The following RBPJ variants were observed in gnomAD, a reference collection of about 807,000 sequenced individuals.
RBPJ encodes the protein recombining binding protein suppressor of hairless.
In RBPJ, 9 loss-of-function variants were observed where a neutral mutation model predicts 67.8. The observed-to-expected ratio is 0.13, with a 90% CI of 0.08 to 0.23. The LOEUF is 0.23. RBPJ is among the 10% of genes least tolerant of loss of function. RBPJ has a pLI of 1.00. For missense variants in RBPJ, 305 were observed against 595.6 expected, an observed-to-expected ratio of 0.51 and a Z score of 5.08; for synonymous variants, 198 against 203.3, an observed-to-expected ratio of 0.97 and a Z score of 0.22.
chr4:26,340,321 C>T (rs1034870166), intron 1 of RBPJ, among the ~76,000 whole-genome samples: 1 of 152,102 alleles, frequency 6.6e-6, no homozygotes, highest in East Asian at 1.9e-4. Context: ...ATAACACCTG[C>T]CAGGTTGGAG....
intron 1 of RBPJ, among the ~76,000 whole-genome samples, chr4:26,253,449 C>T (rs964939104): frequency 6.7e-6 from 1 of 148,268 alleles, no homozygotes; most frequent in East Asian, 1.9e-4. Context: ...GTAGCTGGGA[C>T]TACAGGCGCC....
intron 1 of RBPJ, among the ~76,000 whole-genome samples, chr4:26,313,100 T>G (rs1439684944): frequency 6.6e-6 from 1 of 152,220 alleles, no homozygotes; most frequent in African/African-American, 2.4e-5. Flanking sequence ...TTTTTGTATT[T>G]TTTGTTGAGA....
chr4:26,319,908 T>C, upstream of RBPJ: 1 of 1,581,016 alleles, frequency 6.3e-7, no homozygotes, highest in Non-Finnish European at 8.7e-7. Flanking sequence ...GGGGGCGGGA[T>C]TCGGGCCCTT....
intron 1 of RBPJ, among the ~76,000 whole-genome samples, chr4:26,282,400 C>G (rs1721305338): frequency 6.6e-6 from 1 of 151,992 alleles, no homozygotes; most frequent in African/African-American, 2.4e-5. Flanking sequence ...ACAAAATTAT[C>G]TGATAAAAAA....
chr4:26,181,835 G>A (rs1032245183), intron 1 of RBPJ, among the ~76,000 whole-genome samples: 2 of 152,230 alleles, frequency 1.3e-5, no homozygotes, highest in African/African-American at 4.8e-5. Flanking sequence ...CGGGAATGGA[G>A]CTCACAGGAC....
intron 1 of RBPJ, among the ~76,000 whole-genome samples, chr4:26,182,629 G>A (rs1236967484): frequency 6.6e-6 from 1 of 151,400 alleles, no homozygotes; most frequent in Non-Finnish European, 1.5e-5. Context: ...GAGTAGCTGG[G>A]ACTACAGGCA....
Position 26,424,307 on chromosome 4 carries a change from C to T in RBPJ, c.497-35C>T, listed in dbSNP as rs372834631. The T allele has an allele frequency of 3.7e-6, 6 of 1,606,106 alleles. No homozygotes were observed. The highest frequency in any genetic ancestry group is 5.1e-6 in the Non-Finnish European group (6 of 1,174,984). On this transcript the variant is annotated intron_variant, in intron 5 of 10. Coordinates refer to ENST00000355476, the MANE Select transcript of RBPJ (RefSeq NM_015874.6). The surrounding 1 kb of genome is among the most constrained non-coding windows in gnomAD (Gnocchi z 5.3). ...TTTGCTCCCTCCCCACCTTCTGCTC[C>T]AATCACATAAATAAGAGCTGTTTTT... is the stretch of plus-strand genomic sequence containing the variant.
chr4:26,190,385 C>G (rs1323518676), intron 1 of RBPJ, among the ~76,000 whole-genome samples: 1 of 152,172 alleles, frequency 6.6e-6, no homozygotes, highest in African/African-American at 2.4e-5. Context: ...ATTTATGGGA[C>G]TTGGATTAAC....
At chr4:26,267,484 T>C (rs1720739617) in intron 1 of RBPJ, among the ~76,000 whole-genome samples, 1 of 152,128 alleles carries the variant, frequency 6.6e-6, no homozygotes, top group African/African-American at 2.4e-5. Flanking sequence ...GATTTTTAAG[T>C]GTATCTTATT....
intron 5 of RBPJ, among the ~76,000 whole-genome samples, chr4:26,422,588 A>G (rs1425641304): frequency 1.3e-5 from 2 of 152,028 alleles, no homozygotes; most frequent in Non-Finnish European, 2.9e-5. Context: ...TTGTTTTATT[A>G]TGAGATCATG....
intron 1 of RBPJ, among the ~76,000 whole-genome samples, chr4:26,259,079 G>A (rs1175541486): frequency 1.3e-5 from 2 of 152,132 alleles, no homozygotes; most frequent in African/African-American, 2.4e-5. Context: ...TGGGATTACA[G>A]GCGTGAGCCA....
At chr4:26,366,091 A>G (rs974192664) in intron 1 of RBPJ, among the ~76,000 whole-genome samples, 1 of 152,242 alleles carries the variant, frequency 6.6e-6, no homozygotes, top group South Asian at 2.1e-4. Flanking sequence ...TGTATCACAC[A>G]ATATATACCT....
intron 1 of RBPJ, among the ~76,000 whole-genome samples, chr4:26,267,918 A>G (rs956223327): frequency 4.3e-4 from 66 of 152,224 alleles, no homozygotes; most frequent in African/African-American, 1.5e-3. Flanking sequence ...CACAATTTCA[A>G]TATAAGAGTA....
chr4:26,276,378 T>C (rs1050486586), intron 1 of RBPJ, among the ~76,000 whole-genome samples: 3 of 152,174 alleles, frequency 2.0e-5, no homozygotes, highest in Non-Finnish European at 4.4e-5. Context: ...CACTTCCCTA[T>C]GGTAACTAAA....
At chr4:26,113,402 C>T in the RBPJ span, 1 of 540,942 alleles carries the variant, frequency 1.8e-6, no homozygotes, top group Non-Finnish European at 3.6e-6. Flanking sequence ...AGGAGAGAAA[C>T]CCTATGAATG....
intron 1 of RBPJ, among the ~76,000 whole-genome samples, chr4:26,358,020 CGTGTGTGTGTGTGTGT>C (rs4069724): frequency 1.4e-5 from 2 of 145,020 alleles, no homozygotes; most frequent in African/African-American, 2.6e-5. Flanking sequence ...AGGGGGTATT[CGTGTGTGTGTGTGTGT>C]GTGTGTGTGT....
At chr4:26,360,169 C>A (rs1036116471) in intron 1 of RBPJ, among the ~76,000 whole-genome samples, 2 of 152,042 alleles carry the variant, frequency 1.3e-5, no homozygotes, top group Non-Finnish European at 2.9e-5. Flanking sequence ...ATATAATCCA[C>A]CAAATAAGTT....
At chr4:26,160,067 C>A (rs759610790), upstream of RBPJ, among the ~76,000 whole-genome samples, 4 of 152,072 alleles carry the variant, frequency 2.6e-5, no homozygotes, top group African/African-American at 4.8e-5. Flanking sequence ...TACAGGCGCC[C>A]GCCACCGTGC....
At chr4:26,137,629 G>A in the RBPJ span, among the ~76,000 whole-genome samples, 1 of 152,158 alleles carries the variant, frequency 6.6e-6, no homozygotes, top group Non-Finnish European at 1.5e-5. Context: ...ATAATGCCTG[G>A]CTGCTGTAGT....
Sources: allele counts gnomAD v4.1 joint callset (sites outside exome capture counted in the v4.1 genomes callset), GRCh38; gene constraint gnomAD v4.1.1; non-coding constraint Gnocchi (gnomAD v3.1); transcripts MANE v1.5; gene names NCBI Gene and HGNC (gene_info 2026-07-23, HGNC 2026-07-21).